CCR6: variants seen among roughly 807,000 people sequenced by gnomAD.
CCR6 encodes the protein C-C chemokine receptor type 6.
A neutral mutation model predicts 3.0 loss-of-function variants in CCR6; 2 were observed. The observed-to-expected ratio is 0.66, with a 90% CI of 0.27 to 2.07. The LOEUF (loss-of-function observed/expected upper bound fraction) is 2.07, where lower values mean the gene tolerates loss of function less well. Among genes scored for constraint, CCR6 ranks in the 30% most tolerant of loss-of-function variants. The pLI, the probability that CCR6 is intolerant of heterozygous loss-of-function variation, is 0.14. For synonymous variants in CCR6, 193 were observed against 184.3 expected, an observed-to-expected ratio of 1.05 and a Z score of -0.38; for missense variants, 322 against 462.8, an observed-to-expected ratio of 0.70 and a Z score of 2.79.
intron 1 of CCR6, among the ~76,000 whole-genome samples, chr6:167,117,414 T>TC (rs1781512723): frequency 9.3e-6 from 1 of 107,956 alleles, no homozygotes; most frequent in Admixed American, 1.2e-4. Flanking sequence ...TTTTTTTTTT[T>TC]CTTTTTTTTT....
upstream of CCR6, among the ~76,000 whole-genome samples, chr6:167,120,554 C>T (rs1753012881): frequency 6.6e-6 from 1 of 152,154 alleles, no homozygotes; most frequent in South Asian, 2.1e-4. Flanking sequence ...CTGAGCTGTA[C>T]ACAGTGTCCT....
intron 1 of CCR6, among the ~76,000 whole-genome samples, chr6:167,124,523 A>G (rs545109036): frequency 3.3e-5 from 5 of 152,316 alleles, no homozygotes; most frequent in African/African-American, 9.6e-5. Context: ...TATCAATAAG[A>G]TGTTTTAAAA....
At chr6:167,122,241 C>G (rs1396823401), upstream of CCR6, among the ~76,000 whole-genome samples, 1 of 152,170 alleles carries the variant, frequency 6.6e-6, no homozygotes, top group Admixed American at 6.5e-5. The surrounding 1 kb of genome is among the most constrained non-coding windows in gnomAD (Gnocchi z 4.2). Flanking sequence ...TGATCACGAA[C>G]CTATTGTCTG....
chr6:167,130,977 C>CCCTCTGGGCCCCCCTCCCTCCGGGACT (rs1781749737), intron 1 of CCR6, among the ~76,000 whole-genome samples: 2 of 131,746 alleles, frequency 1.5e-5, no homozygotes, highest in East Asian at 2.1e-4. Flanking sequence ...TCTGGGACCA[C>CCCTCTGGGCCCCCCTCCCTCCGGGACT]CCTCCCTCTG....
chr6:167,137,218 A>T lies in CCR6; in HGVS notation c.988A>T (p.Ile330Phe). 6.2e-7 allele frequency: 1 copy of T among 1,614,188 alleles called. No homozygotes were observed. Among genetic ancestry groups the T allele is most frequent in the Admixed American group, 1.7e-5 (1 of 60,012 alleles). Residue 330 changes from isoleucine to phenylalanine, a missense_variant, in exon 3 of 3, where the codon ATC becomes TTC. Ile to Phe is a conservative substitution (Grantham distance 21). Coordinates refer to ENST00000341935, the MANE Select transcript of CCR6 (RefSeq NM_031409.4). This position sits in a 1 kb window ranked among gnomAD's most constrained non-coding sequence, Gnocchi z 4.6. ...GAAGTTCAGAAACTACTTTCTGAAGATCTTGAAGGACCTGTGGTGTGTGAG... is the reference window on the plus strand; with the variant it reads ...GAAGTTCAGAAACTACTTTCTGAAGTTCTTGAAGGACCTGTGGTGTGTGAG... ...GQKFRNYFLK[I>F]LKDLWCVRRK... is the part of the protein sequence containing the mutation.
In CCR6 at chr6:167,138,004, G is replaced by T. The variant is rs1196415856; in HGVS notation, c.*649G>T. On this transcript the variant is annotated 3_prime_UTR_variant, in exon 3 of 3. Coordinates refer to ENST00000341935, the MANE Select transcript of CCR6 (RefSeq NM_031409.4). Reference sequence around the variant, plus strand: ...GGCAGAACAGGTGTTGGTGACAATTGTCACCAATTGGATAAAGCAGCTCAG... The same window carrying T: ...GGCAGAACAGGTGTTGGTGACAATTTTCACCAATTGGATAAAGCAGCTCAG... 1 of 152,602 alleles carries T rather than the reference G, an allele frequency of 6.6e-6. No individual in the cohort carries two copies. Among genetic ancestry groups the T allele is most frequent in the Non-Finnish European group, 1.5e-5 (1 of 68,272 alleles). The allele number at this position is 152,602 out of a possible 1,614,324, so 9.5% of individuals were successfully genotyped here.
chr6:167,120,276 T>C (rs1334023322), upstream of CCR6, among the ~76,000 whole-genome samples: 1 of 152,206 alleles, frequency 6.6e-6, no homozygotes, highest in African/African-American at 2.4e-5. Context: ...GCACTGCTGC[T>C]GCCTGGTATC....
chr6:167,117,467 A>G (rs1367741458), intron 1 of CCR6, among the ~76,000 whole-genome samples: 17 of 121,222 alleles, frequency 1.4e-4, no homozygotes, highest in Non-Finnish European at 2.7e-4. Context: ...CCCAGGCTGG[A>G]GCGCAGTGGC....
chr6:167,128,294 C>T (rs749063498), intron 1 of CCR6, among the ~76,000 whole-genome samples: 1 of 152,238 alleles, frequency 6.6e-6, no homozygotes. Flanking sequence ...TAACCACAAG[C>T]GTGACATGGG....
chr6:167,117,898 A>G (rs562998171), upstream of CCR6, among the ~76,000 whole-genome samples: 24 of 150,970 alleles, frequency 1.6e-4, no homozygotes, highest in Non-Finnish European at 3.4e-4. Context: ...GTCGCTTTTC[A>G]GTGCTCAAAT....
At chr6:167,127,453 C>G (rs1180732580) in intron 1 of CCR6, among the ~76,000 whole-genome samples, 1 of 152,202 alleles carries the variant, frequency 6.6e-6, no homozygotes, top group Non-Finnish European at 1.5e-5. Flanking sequence ...TTTCCCACCC[C>G]TGTCTGTCTC....
In CCR6 at chr6:167,137,360, A is replaced by G; in HGVS notation, c.*5A>G. 1 of 1,605,002 alleles carries G rather than the reference A, an allele frequency of 6.2e-7. No individual in the cohort carries two copies. The highest frequency in any genetic ancestry group is 8.5e-7 in the Non-Finnish European group (1 of 1,176,790). On this transcript the variant is annotated 3_prime_UTR_variant, in exon 3 of 3. Coordinates refer to ENST00000341935, the MANE Select transcript of CCR6 (RefSeq NM_031409.4). The surrounding 1 kb of genome is among the most constrained non-coding windows in gnomAD (Gnocchi z 4.6). ...GCGTCGTCCTTCACTATGTGATAGA[A>G]AGCTGAGTCTCCCTAAGGCATGTGT...
intron 1 of CCR6, among the ~76,000 whole-genome samples, chr6:167,132,761 G>A (rs987994832): frequency 8.5e-5 from 13 of 152,264 alleles, no homozygotes; most frequent in South Asian, 2.1e-4. Context: ...GGATGGTCTC[G>A]AACTCCTGGA....
intron 1 of CCR6, chr6:167,116,984 C>G (rs867208784): frequency 2.0e-5 from 3 of 152,230 alleles, no homozygotes; most frequent in South Asian, 4.1e-4. Flanking sequence ...GGTTCCCTCC[C>G]CTCCCGCGGT....
upstream of CCR6, chr6:167,122,858 C>T (rs561574838): frequency 6.6e-6 from 1 of 152,452 alleles, no homozygotes; most frequent in South Asian, 2.1e-4. This position sits in a 1 kb window ranked among gnomAD's most constrained non-coding sequence, Gnocchi z 4.2. Context: ...AGTTTGGGTA[C>T]AAACTCATTG....
chr6:167,133,943 T>TAC (rs375808750), intron 1 of CCR6, among the ~76,000 whole-genome samples: 8 of 41,512 alleles, frequency 1.9e-4, no homozygotes, highest in African/African-American at 3.9e-4. Flanking sequence ...TATATATATA[T>TAC]ATATATATAT....
At chr6:167,130,142 G>C (rs935780634) in intron 1 of CCR6, among the ~76,000 whole-genome samples, 22 of 151,842 alleles carry the variant, frequency 1.4e-4, no homozygotes, top group African/African-American at 5.1e-4. Context: ...GTGAGATCTG[G>C]TGAGAATGGT....
chr6:167,118,477 CG>C (rs1263668135), upstream of CCR6, among the ~76,000 whole-genome samples: 1 of 152,076 alleles, frequency 6.6e-6, no homozygotes, highest in African/African-American at 2.4e-5. Flanking sequence ...CCTCTTAGAC[CG>C]GTTTCTATAA....
In CCR6 at chr6:167,136,307, A is replaced by G. The variant is rs143044968; in HGVS notation, c.77A>G (p.Tyr26Cys). The G allele has an allele frequency of 6.2e-7, 1 of 1,613,368 alleles. No homozygotes were observed. The highest frequency in any genetic ancestry group is 1.3e-5 in the African/African-American group (1 of 74,992). ...EDYFVSVNTS[Y>C]YSVDSEMLLC... ...TATTTTGTGTCAGTCAATACTTCAT[A>G]TTACTCAGTTGATTCTGAGATGTTA... Residue 26 changes from tyrosine (Y) to cysteine (C), a missense_variant, in exon 3 of 3, where the codon TAT becomes TGT. By Grantham distance (194) the Tyr-to-Cys change is radical. Coordinates refer to ENST00000341935, the MANE Select transcript of CCR6 (RefSeq NM_031409.4). This position sits in a 1 kb window ranked among gnomAD's most constrained non-coding sequence, Gnocchi z 4.6.
Sources: allele counts gnomAD v4.1 joint callset (sites outside exome capture counted in the v4.1 genomes callset), GRCh38; gene constraint gnomAD v4.1.1; non-coding constraint Gnocchi (gnomAD v3.1); transcripts MANE v1.5; gene names NCBI Gene and HGNC (gene_info 2026-07-23, HGNC 2026-07-21).